The following BMP7 variants were observed in gnomAD, a reference collection of about 807,000 sequenced individuals.
BMP7 encodes the protein bone morphogenetic protein 7, also known as osteogenic protein 1.
A neutral mutation model predicts 41.2 loss-of-function variants in BMP7; 12 were observed. The ratio of observed to expected loss-of-function variants is 0.29; its 90% CI spans 0.19 to 0.47. The LOEUF (loss-of-function observed/expected upper bound fraction) is 0.47. BMP7 is among the 20% of genes least tolerant of loss of function. The pLI is 0.99. For missense variants in BMP7, 467 were observed against 606.0 expected (o/e 0.77, Z 2.41); for synonymous variants, 248 against 250.0 (o/e 0.99, Z 0.07).
chr20:57,232,637 T>C (rs2066033524), intron 1 of BMP7, among the ~76,000 whole-genome samples: 2 of 152,174 alleles, frequency 1.3e-5, no homozygotes, highest in Non-Finnish European at 2.9e-5. Context: ...GGTTCTTTTC[T>C]AAAAAGAAAC....
At chr20:57,188,317 A>G (rs1284492341) in intron 3 of BMP7, among the ~76,000 whole-genome samples, 1 of 152,206 alleles carries the variant, frequency 6.6e-6, no homozygotes, top group Non-Finnish European at 1.5e-5. Flanking sequence ...CAAACCTTCA[A>G]CTCGTTACAC....
intron 1 of BMP7, among the ~76,000 whole-genome samples, chr20:57,248,251 G>A (rs922249819): frequency 6.6e-6 from 1 of 152,148 alleles, no homozygotes; most frequent in Non-Finnish European, 1.5e-5. Flanking sequence ...AGGAAACAAC[G>A]ACAAAGAGGG....
chr20:57,233,118 G>A (rs552737424), intron 1 of BMP7, among the ~76,000 whole-genome samples: 1 of 152,194 alleles, frequency 6.6e-6, no homozygotes, highest in South Asian at 2.1e-4. Context: ...ACTGTATATA[G>A]TTGATTACCC....
At chr20:57,219,222 G>A (rs893797055) in intron 2 of BMP7, among the ~76,000 whole-genome samples, 3 of 143,454 alleles carry the variant, frequency 2.1e-5, no homozygotes, top group Non-Finnish European at 4.4e-5. Context: ...GTGGTAGGTG[G>A]TGTTTGGTGG....
intron 1 of BMP7, among the ~76,000 whole-genome samples, chr20:57,231,812 C>T (rs1014283857): frequency 1.3e-5 from 2 of 152,224 alleles, no homozygotes; most frequent in Non-Finnish European, 2.9e-5. Flanking sequence ...TCAGAGCAGC[C>T]CCACTGGCAG....
chr20:57,225,835 T>C, intron 2 of BMP7: 1 of 471,114 alleles, frequency 2.1e-6, no homozygotes. Flanking sequence ...CCTATTCCCT[T>C]CCTTGCTCAA....
At chr20:57,182,030 C>T (rs944528380) in intron 4 of BMP7, among the ~76,000 whole-genome samples, 6 of 152,204 alleles carry the variant, frequency 3.9e-5, no homozygotes, top group Admixed American at 6.5e-5. Flanking sequence ...ACGGCACCCC[C>T]GGGCAGCAGC....
chr20:57,240,938 C>G (rs930458097), intron 1 of BMP7, among the ~76,000 whole-genome samples: 6 of 152,222 alleles, frequency 3.9e-5, no homozygotes, highest in African/African-American at 1.4e-4. Flanking sequence ...CAGTGACCAT[C>G]CTGATGGCTG....
rs573169757 is a variant in BMP7 at position 57,255,731 on chromosome 20, T to C, written c.418+9974A>G. ...AGGAGAATTGCTTGAAGCCCAGAGG[T>C]GGAGGTTGCAGTGAGTGGAGATCAT... On this transcript the variant is annotated intron_variant, in intron 1 of 6. Transcript: ENST00000395863. Among the ~76,000 whole-genome samples, 288 of 125,630 alleles carry C rather than the reference T, an allele frequency of 2.3e-3. 2 individuals carry two copies. The highest frequency in any genetic ancestry group is 8.9e-3 in the East Asian group (35 of 3,916). The allele number at this position is 125,630 out of a possible 152,430, so 82.4% of individuals were successfully genotyped here. A position where few individuals can be genotyped will look rare whatever the true frequency, so the allele number is the denominator to read the frequency against.
chr20:57,211,402 G>A (rs1357363143), intron 2 of BMP7, among the ~76,000 whole-genome samples: 1 of 152,026 alleles, frequency 6.6e-6, no homozygotes, highest in South Asian at 2.1e-4. Context: ...AGGAGAGGAC[G>A]GGGCTGGCCC....
intron 3 of BMP7, among the ~76,000 whole-genome samples, chr20:57,187,491 A>G (rs1156563563): frequency 2.0e-5 from 3 of 152,076 alleles, no homozygotes; most frequent in East Asian, 1.9e-4. Flanking sequence ...TAAATGAAGG[A>G]GAAGTATCCT....
rs576165070 is a variant in BMP7 at position 57,236,710 on chromosome 20, T to A, written c.419-8289A>T. Among the ~76,000 whole-genome samples the A allele has an allele frequency of 1.5e-4, 22 of 151,136 alleles. No homozygotes were observed. In the East Asian group the frequency reaches 2.9e-3, roughly 20 times the overall value. On this transcript the variant is annotated intron_variant, in intron 1 of 6. Transcript: ENST00000395863. ...TCCAGGGACCATTCACTGGATTTGG[T>A]CACTGGTTGCTCAGAGACCTCAGGA...
At chr20:57,226,729 C>T (rs12479884) in intron 2 of BMP7, among the ~76,000 whole-genome samples, 25,821 of 152,082 alleles carry the variant, frequency 0.17, 2,505 homozygotes, top group East Asian at 0.33. Context: ...GCATCAGGGA[C>T]CACCTCAGCA....
At chr20:57,255,271 C>A (rs2066129844) in intron 1 of BMP7, among the ~76,000 whole-genome samples, 2 of 152,168 alleles carry the variant, frequency 1.3e-5, no homozygotes, top group South Asian at 2.1e-4. Flanking sequence ...CATGTTTGGG[C>A]CCCTTCAGCA....
intron 1 of BMP7, 141 bp downstream of exon 1, chr20:57,265,564 G>T: frequency 7.4e-7 from 1 of 1,346,696 alleles, no homozygotes; most frequent in Non-Finnish European, 1.0e-6. Context: ...TAGGGCTGTG[G>T]GTGGGAGACC....
rs535528909 is a variant in BMP7 at position 57,193,739 on chromosome 20, G to C, written c.760+8736C>G. Among the ~76,000 whole-genome samples the C allele has an allele frequency of 1.3e-4, 20 of 152,266 alleles. No homozygotes were observed. In the South Asian group the frequency reaches 3.7e-3, roughly 28 times the overall value. ...TGAGAGACATCATGTGCAGGTTTTGGGGTGAACTTACCTTGGCATTTTCTG... is the reference window on the plus strand; with the variant it reads ...TGAGAGACATCATGTGCAGGTTTTGCGGTGAACTTACCTTGGCATTTTCTG... On this transcript the variant is annotated intron_variant, in intron 3 of 6. Coordinates refer to ENST00000395863, the MANE Select transcript of BMP7 (RefSeq NM_001719.3).
chr20:57,230,100 A>G (rs1362278981), intron 1 of BMP7, among the ~76,000 whole-genome samples: 1 of 152,156 alleles, frequency 6.6e-6, no homozygotes, highest in Non-Finnish European at 1.5e-5. Context: ...ATCCTGGGCC[A>G]TATATGGAGA....
chr20:57,246,887 G>T (rs765008122), intron 1 of BMP7, among the ~76,000 whole-genome samples: 3 of 152,130 alleles, frequency 2.0e-5, no homozygotes, highest in Admixed American at 6.5e-5. Context: ...TACTCAGGAG[G>T]CTGAGGCAGG....
chr20:57,204,170 A>T (rs1984682072), intron 2 of BMP7, among the ~76,000 whole-genome samples: 1 of 152,188 alleles, frequency 6.6e-6, no homozygotes, highest in Non-Finnish European at 1.5e-5. Context: ...GCCTTTCACC[A>T]GTCAACCTCG....
Sources: gnomAD v4.1 joint callset for allele counts (sites outside exome capture counted in the v4.1 genomes callset) on GRCh38, gnomAD v4.1.1 for gene constraint, MANE v1.5 for transcripts, NCBI Gene and HGNC (gene_info 2026-07-23, HGNC 2026-07-21) for gene names.